Variants in ZNF398 observed in about 807,000 individuals in gnomAD.
ZNF398 encodes zinc finger DNA binding protein ZER6.
ZNF398 carries 18 observed loss-of-function variants against 41.9 expected under a neutral mutation model. The ratio of observed to expected loss-of-function variants is 0.43; its 90% CI spans 0.30 to 0.64. The LOEUF is 0.64. ZNF398 is among the 30% of genes least tolerant of loss of function. The pLI is 0.14. For synonymous variants in ZNF398, 260 were observed against 308.8 expected (o/e 0.84, Z 1.66); for missense variants, 669 against 822.8 (o/e 0.81, Z 2.29).
At chr7:149,144,691 T>C (rs189592738), upstream of ZNF398, among the ~76,000 whole-genome samples, 115 of 152,068 alleles carry the variant, frequency 7.6e-4, no homozygotes, top group African/African-American at 2.5e-3. Flanking sequence ...TAGGTTCAAG[T>C]GATTCTCCTA....
intron 4 of ZNF398, among the ~76,000 whole-genome samples, chr7:149,172,689 C>T (rs749622645): frequency 6.6e-6 from 1 of 152,138 alleles, no homozygotes; most frequent in Non-Finnish European, 1.5e-5. Flanking sequence ...TACTGTTGCA[C>T]CTCAAACTGC....
intron 2 of ZNF398, among the ~76,000 whole-genome samples, chr7:149,129,456 T>C (rs894778073): frequency 3.3e-5 from 5 of 152,294 alleles, no homozygotes; most frequent in African/African-American, 4.8e-5. Flanking sequence ...CTTGGCTCAC[T>C]GCAACCTCCA....
chr7:149,151,193 G>A, intron 1 of ZNF398: 2 of 1,178,678 alleles, frequency 1.7e-6, no homozygotes, highest in South Asian at 1.7e-5. Flanking sequence ...AGTTTACCTG[G>A]TGATTTCCTC....
At chr7:149,173,183 C>A (rs1300934368) in intron 4 of ZNF398, among the ~76,000 whole-genome samples, 2 of 146,182 alleles carry the variant, frequency 1.4e-5, no homozygotes, top group Non-Finnish European at 3.0e-5. Flanking sequence ...CGGCTCACTG[C>A]AACCTCCGAC....
chr7:149,127,154 G>A (rs919625799), intron 1 of ZNF398, among the ~76,000 whole-genome samples: 3 of 152,182 alleles, frequency 2.0e-5, no homozygotes, highest in Non-Finnish European at 2.9e-5. Flanking sequence ...GGAAACCAGG[G>A]AGAGACAGAA....
chr7:149,173,196 C>T (rs1057199601), intron 4 of ZNF398, among the ~76,000 whole-genome samples: 13 of 145,130 alleles, frequency 9.0e-5, no homozygotes, highest in East Asian at 8.4e-4. Flanking sequence ...CCTCCGACTC[C>T]TAGGTTCAAG....
intron 2 of ZNF398, among the ~76,000 whole-genome samples, chr7:149,160,612 CAT>C (rs1795088757): frequency 6.6e-6 from 1 of 152,218 alleles, no homozygotes; most frequent in Non-Finnish European, 1.5e-5. Flanking sequence ...TGCAGATAGT[CAT>C]ATTCCCCTTT....
chr7:149,159,572 C>T (rs186379870), intron 2 of ZNF398, among the ~76,000 whole-genome samples: 88 of 151,906 alleles, frequency 5.8e-4, no homozygotes, highest in African/African-American at 1.7e-3. Flanking sequence ...GGCGTGAACC[C>T]GGGAGGTGGA....
chr7:149,159,729 A>T (rs13246257), intron 2 of ZNF398, among the ~76,000 whole-genome samples: 5,277 of 148,572 alleles, frequency 0.036, 157 homozygotes, highest in African/African-American at 0.09. Flanking sequence ...AAAAAAAAAA[A>T]TTTTTTTTTT....
chr7:149,180,326 A>T lies in ZNF398; in HGVS notation c.*525A>T, dbSNP rs1337527577. 1 of 152,752 alleles carries T rather than the reference A, an allele frequency of 6.5e-6. No individual in the cohort carries two copies. Among genetic ancestry groups the T allele is most frequent in the African/African-American group, 2.4e-5 (1 of 41,480 alleles). The allele number at this position is 152,752 out of a possible 1,614,324, so 9.5% of individuals were successfully genotyped here. Reference sequence around the variant, plus strand: ...CTGCCTCCTCTCTCAAAACCAGCCAAGATCTGTTCACACACCTCTGTGGCT... The same window carrying T: ...CTGCCTCCTCTCTCAAAACCAGCCATGATCTGTTCACACACCTCTGTGGCT... On this transcript the variant is annotated 3_prime_UTR_variant, in exon 6 of 6. Coordinates refer to ENST00000475153, the MANE Select transcript of ZNF398 (RefSeq NM_170686.3).
intron 2 of ZNF398, among the ~76,000 whole-genome samples, chr7:149,135,408 A>AG (rs1276565379): frequency 1.3e-5 from 2 of 148,678 alleles, no homozygotes; most frequent in Non-Finnish European, 3.0e-5. Context: ...AAAAAAAAAA[A>AG]AAAGAAAGAA....
chr7:149,171,746 C>G (rs1173707437), intron 4 of ZNF398, among the ~76,000 whole-genome samples: 1 of 152,036 alleles, frequency 6.6e-6, no homozygotes, highest in African/African-American at 2.4e-5. Context: ...GATCTTGGCT[C>G]ACTGCAACCT....
At chr7:149,136,867 CTTT>C (rs143502050) in intron 2 of ZNF398, among the ~76,000 whole-genome samples, 6 of 136,008 alleles carry the variant, frequency 4.4e-5, no homozygotes, top group Non-Finnish European at 4.8e-5. Context: ...CGCGCTGGGC[CTTT>C]TTTTTTTTTT....
chr7:149,175,707 G>GT (rs1053919879), intron 4 of ZNF398, among the ~76,000 whole-genome samples: 1 of 152,036 alleles, frequency 6.6e-6, no homozygotes, highest in African/African-American at 2.4e-5. Flanking sequence ...TTGAAATGGA[G>GT]TTTTTTTGCT....
chr7:149,133,034 A>G (rs1585500653), intron 2 of ZNF398, among the ~76,000 whole-genome samples: 1 of 152,100 alleles, frequency 6.6e-6, no homozygotes, highest in South Asian at 2.1e-4. Context: ...AGCGGTGAGG[A>G]CAACCAGAGG....
intron 1 of ZNF398, among the ~76,000 whole-genome samples, chr7:149,153,336 G>A (rs1177879321): frequency 1.3e-5 from 2 of 152,100 alleles, no homozygotes; most frequent in Non-Finnish European, 2.9e-5. Context: ...ATTTATTGTA[G>A]GCCAAAGTTT....
chr7:149,164,334 G>A (rs1795179959), intron 2 of ZNF398, among the ~76,000 whole-genome samples: 2 of 151,774 alleles, frequency 1.3e-5, no homozygotes, highest in Non-Finnish European at 2.9e-5. Context: ...GTGAACCCGG[G>A]AGGCAGAGCT....
At chr7:149,140,668 G>A (rs1427574999) in intron 2 of ZNF398, among the ~76,000 whole-genome samples, 2 of 152,030 alleles carry the variant, frequency 1.3e-5, no homozygotes, top group East Asian at 3.9e-4. Flanking sequence ...ACAGGCGTGA[G>A]CCACCACGCC....
intron 2 of ZNF398, among the ~76,000 whole-genome samples, chr7:149,164,432 A>T (rs1563162812): frequency 1.3e-5 from 2 of 152,038 alleles, no homozygotes. Context: ...AAAATAAAAA[A>T]AGAGAAAGAA....
Sources: gnomAD v4.1 joint callset for allele counts (sites outside exome capture counted in the v4.1 genomes callset) on GRCh38, gnomAD v4.1.1 for gene constraint, MANE v1.5 for transcripts, NCBI Gene and HGNC (gene_info 2026-07-23, HGNC 2026-07-21) for gene names.